SMAD4: variants seen among roughly 807,000 people sequenced by gnomAD.
The protein encoded by SMAD4 is MAD homolog 4.
Under a neutral mutation model 63.2 loss-of-function variants are expected in SMAD4, and 7 were observed. The ratio of observed to expected loss-of-function variants is 0.11; its 90% CI spans 0.06 to 0.21. The LOEUF (loss-of-function observed/expected upper bound fraction) is 0.21, where lower values mean the gene tolerates loss of function less well. SMAD4 is among the 10% of genes least tolerant of loss of function. The pLI, the probability that SMAD4 is intolerant of heterozygous loss-of-function variation, is 1.00. For synonymous variants in SMAD4, 215 were observed against 235.4 expected, an observed-to-expected ratio of 0.91 and a Z score of 0.79; for missense variants, 312 against 693.8, an observed-to-expected ratio of 0.45 and a Z score of 6.18.
At chr18:51,071,027 A>T (rs898429260) in intron 10 of SMAD4, among the ~76,000 whole-genome samples, 6 of 152,202 alleles carry the variant, frequency 3.9e-5, no homozygotes, top group Admixed American at 3.3e-4. Flanking sequence ...CTAAAGTTTC[A>T]TGCATCCACT....
chr18:51,051,299 A>G (rs1234012875), intron 4 of SMAD4: 1 of 452,054 alleles, frequency 2.2e-6, no homozygotes, highest in Admixed American at 2.4e-5. Context: ...TCAGCCTTGT[A>G]GATCCCCCTA....
intron 10 of SMAD4, among the ~76,000 whole-genome samples, chr18:51,073,409 A>G (rs1054191956): frequency 2.1e-5 from 3 of 144,042 alleles, no homozygotes; most frequent in Non-Finnish European, 4.6e-5. Context: ...ACACACACAC[A>G]CACACACACA....
chr18:51,080,432 C>A lies in SMAD4; in HGVS notation c.*1965C>A. ...AGACATCTTCTCTAGAAATTGCTAA[C>A]TTTAGGTCCATTTTACTGTGAATGA... On this transcript the variant is annotated 3_prime_UTR_variant, in exon 12 of 12. Coordinates refer to ENST00000342988, the MANE Select transcript of SMAD4 (RefSeq NM_005359.6). 1 of 230,264 alleles carries A rather than the reference C, an allele frequency of 4.3e-6. No homozygotes were observed. Among genetic ancestry groups the A allele is most frequent in the Non-Finnish European group, 8.6e-6 (1 of 116,348 alleles). 14.3% of individuals were successfully genotyped at this position (230,264 alleles called of 1,614,324 possible).
In SMAD4 at chr18:51,082,924, C is replaced by T. The variant is rs1213140542; in HGVS notation, c.*4457C>T. The T allele has an allele frequency of 4.4e-6, 1 of 226,336 alleles. No homozygotes were observed. The highest frequency in any genetic ancestry group is 8.8e-6 in the Non-Finnish European group (1 of 113,750). 14.0% of individuals were successfully genotyped at this position (226,336 alleles called of 1,614,324 possible). A position where few individuals can be genotyped will look rare whatever the true frequency, so the allele number is the denominator to read the frequency against. On this transcript the variant is annotated 3_prime_UTR_variant, in exon 12 of 12. Transcript: ENST00000342988. ...GTTCTTTAAAACACAAGTACAAACT[C>T]TGGGACAGGACCCAAGACACTTTCC... is the stretch of plus-strand genomic sequence containing the variant.
intron 9 of SMAD4, 118 bp from the exon 10 acceptor site, chr18:51,066,901 T>C: frequency 1.3e-6 from 1 of 758,252 alleles, no homozygotes; most frequent in Non-Finnish European, 2.3e-6. Context: ...AGCTATCTTT[T>C]GGTTTTATGT....
chr18:51,058,623 T>G (rs1909911736), intron 7 of SMAD4, among the ~76,000 whole-genome samples, 167 bp downstream of exon 7: 1 of 152,140 alleles, frequency 6.6e-6, no homozygotes, highest in African/African-American at 2.4e-5. Flanking sequence ...TTCATAGTTA[T>G]CCTACCTTTT....
intron 9 of SMAD4, chr18:51,066,683 A>T (rs1910166740): frequency 4.2e-6 from 1 of 238,264 alleles, no homozygotes; most frequent in African/African-American, 2.3e-5. Context: ...TAATTTAAAT[A>T]GTCACATGTG....
Position 51,046,837 on chromosome 18 carries a change from A to G in SMAD4, c.-127-83A>G, listed in dbSNP as rs1252361471. On this transcript the variant is annotated intron_variant, in intron 1 of 11. Coordinates refer to ENST00000342988, the MANE Select transcript of SMAD4 (RefSeq NM_005359.6). The stretch of plus-strand genomic sequence containing the variant: ...TGCATTGAATCTCTGACTTAACCAG[A>G]GCAATTTCATCTTTTCCCAAGTAGT... 7.4e-6 allele frequency: 4 copies of G among 542,556 alleles called. No individual in the cohort carries two copies. The East Asian group carries it at 1.1e-4, about 16-fold the overall frequency. The allele number at this position is 542,556 out of a possible 1,614,324, so 33.6% of individuals were successfully genotyped here. A position where few individuals can be genotyped will look rare whatever the true frequency, so the allele number is the denominator to read the frequency against.
chr18:51,048,191 C>CT lies in SMAD4; in HGVS notation c.250-491dup, dbSNP rs373059069. On this transcript the variant is annotated intron_variant, in intron 2 of 11. Coordinates refer to ENST00000342988, the MANE Select transcript of SMAD4 (RefSeq NM_005359.6). ...TTTATTTTTTTGAGACATGGTCTTA[C>CT]TTTTGCCCAAGCTGGAGTGCAGTGG... Among the ~76,000 whole-genome samples, 433 of 151,722 alleles carry CT rather than the reference C, an allele frequency of 2.9e-3. 4 individuals carry two copies. The highest frequency in any genetic ancestry group is 0.01 in the African/African-American group (422 of 41,022).
chr18:51,039,183 C>T (rs8086832), intron 1 of SMAD4, among the ~76,000 whole-genome samples: 59,482 of 152,060 alleles, frequency 0.39, 11,751 homozygotes, highest in East Asian at 0.51. Context: ...TATTTCTATG[C>T]ATTATCGACT....
At chr18:51,065,712 T>C (rs1393165185) in intron 9 of SMAD4, 106 bp downstream of exon 9, 2 of 862,064 alleles carry the variant, frequency 2.3e-6, no homozygotes, top group Non-Finnish European at 3.5e-6. Context: ...TTCTTAAATA[T>C]AAATAAAGGA....
intron 10 of SMAD4, among the ~76,000 whole-genome samples, chr18:51,073,852 T>C (rs530778426): frequency 1.3e-5 from 2 of 152,132 alleles, no homozygotes; most frequent in Admixed American, 6.5e-5. Context: ...CGAGAACTTT[T>C]AAGATACAAC....
chr18:51,052,043 C>T (rs1394917852), intron 4 of SMAD4, among the ~76,000 whole-genome samples: 9 of 152,050 alleles, frequency 5.9e-5, no homozygotes, highest in Admixed American at 5.9e-4. Context: ...AACTCCTGAC[C>T]TCAGGCGATC....
At chr18:51,055,465 A>T (rs1909818157) in intron 5 of SMAD4, among the ~76,000 whole-genome samples, 1 of 152,122 alleles carries the variant, frequency 6.6e-6, no homozygotes, top group Non-Finnish European at 1.5e-5. Flanking sequence ...CTCAAGATAG[A>T]CATTAATTAA....
chr18:51,038,371 G>A (rs1909274038), intron 1 of SMAD4, among the ~76,000 whole-genome samples: 2 of 152,144 alleles, frequency 1.3e-5, no homozygotes, highest in South Asian at 2.1e-4. Context: ...TAGGCGATCC[G>A]TTCAAAGTAC....
intron 1 of SMAD4, among the ~76,000 whole-genome samples, chr18:51,039,092 C>CT (rs1324726333): frequency 1.3e-5 from 2 of 152,156 alleles, no homozygotes; most frequent in Non-Finnish European, 2.9e-5. Flanking sequence ...GGGCAACAGA[C>CT]TGAGACTATG....
chr18:51,048,985 T>C, intron 3 of SMAD4, 125 bp downstream of exon 3: 1 of 828,818 alleles, frequency 1.2e-6, no homozygotes, highest in Non-Finnish European at 2.0e-6. Context: ...GGTTAAAGAA[T>C]CAGACATTTT....
At chr18:51,032,522 C>G (rs960038677) in intron 1 of SMAD4, among the ~76,000 whole-genome samples, 2 of 152,170 alleles carry the variant, frequency 1.3e-5, no homozygotes, top group African/African-American at 4.8e-5. Flanking sequence ...TTTTAAAAAC[C>G]TCTGCTTCAC....
chr18:51,048,855 G>C lies in SMAD4; in HGVS notation c.419G>C (p.Gly140Ala), dbSNP rs1909623522. ...PYHYERVVSP[G>A]IDLSGLTLQS... ...CACTACGAACGAGTTGTATCACCTG[G>C]AATTGGTAAGTAGACTTTGCTTTCA... Residue 140 changes from glycine to alanine, a missense_variant, in exon 3 of 12, where the codon GGA (glycine) becomes GCA (alanine). Transcript: ENST00000342988. 1 of 1,612,782 alleles carries C rather than the reference G, an allele frequency of 6.2e-7. No homozygotes were observed. Among genetic ancestry groups the C allele is most frequent in the Admixed American group, 1.7e-5 (1 of 60,000 alleles).
Sources: allele counts gnomAD v4.1 joint callset (sites outside exome capture counted in the v4.1 genomes callset), GRCh38; gene constraint gnomAD v4.1.1; transcripts MANE v1.5; gene names NCBI Gene and HGNC (gene_info 2026-07-23, HGNC 2026-07-21).